Variants in GPM6A observed in about 807,000 individuals in gnomAD.
The protein encoded by GPM6A is glycoprotein M6A, also known as neuronal membrane glycoprotein M6-a.
A neutral mutation model predicts 32.1 loss-of-function variants in GPM6A; 7 were observed. The ratio of observed to expected loss-of-function variants is 0.22; its 90% CI spans 0.12 to 0.41. The LOEUF is 0.41. Among genes scored for constraint, GPM6A ranks in the 10% least tolerant of loss-of-function variants. GPM6A has a pLI of 1.00. For missense variants in GPM6A, 235 were observed against 347.2 expected (o/e 0.68, Z 2.57); for synonymous variants, 130 against 123.4 (o/e 1.05, Z -0.35).
intron 1 of GPM6A, among the ~76,000 whole-genome samples, chr4:175,795,536 G>T (rs1210154527): frequency 6.6e-6 from 1 of 151,974 alleles, no homozygotes; most frequent in Non-Finnish European, 1.5e-5. Flanking sequence ...GATTGCTTGA[G>T]ACCAGGAGTT....
chr4:175,698,452 T>G (rs1270353366), intron 2 of GPM6A, among the ~76,000 whole-genome samples: 3 of 152,186 alleles, frequency 2.0e-5, no homozygotes, highest in Non-Finnish European at 2.9e-5. Flanking sequence ...GCCTTCTGTT[T>G]GCTTATTTTA....
At chr4:175,908,055 G>A (rs982947831) in intron 1 of GPM6A, among the ~76,000 whole-genome samples, 1 of 152,080 alleles carries the variant, frequency 6.6e-6, no homozygotes, top group African/African-American at 2.4e-5. Context: ...AATGTGAGCA[G>A]AGAAAAACAG....
intron 1 of GPM6A, among the ~76,000 whole-genome samples, chr4:175,791,944 C>T (rs867715848): frequency 3.3e-5 from 5 of 152,018 alleles, no homozygotes; most frequent in African/African-American, 1.2e-4. Flanking sequence ...TGCTTTGATA[C>T]CACAACCTGT....
chr4:175,774,500 C>T (rs1474378833), intron 1 of GPM6A, among the ~76,000 whole-genome samples: 1 of 151,970 alleles, frequency 6.6e-6, no homozygotes, highest in African/African-American at 2.4e-5. Flanking sequence ...AACAATCAAA[C>T]TCACCTCTGT....
Position 175,756,991 on chromosome 4 carries a change from G to A in GPM6A, c.37+55200C>T, listed in dbSNP as rs148253198. ...GTGGGTTTAAGAAGGCGAACTGGAG[G>A]CTACCTCTGGGAATGTGTAGCAGCT... On this transcript the variant is annotated intron_variant, in intron 1 of 6. Coordinates refer to ENST00000393658, the MANE Select transcript of GPM6A (RefSeq NM_201591.3). 4.3e-3 allele frequency among the ~76,000 whole-genome samples: 652 copies of A among 152,166 alleles called. 3 individuals carry two copies. The highest frequency in any genetic ancestry group is 6.9e-3 in the Non-Finnish European group (468 of 67,972).
At chr4:175,770,724 C>T (rs552884052) in intron 1 of GPM6A, among the ~76,000 whole-genome samples, 4 of 152,252 alleles carry the variant, frequency 2.6e-5, no homozygotes, top group Admixed American at 6.5e-5. Context: ...CATGGATGAC[C>T]TCACTGTGCA....
At chr4:175,818,911 T>C (rs892849167) in intron 1 of GPM6A, among the ~76,000 whole-genome samples, 2 of 152,214 alleles carry the variant, frequency 1.3e-5, no homozygotes, top group African/African-American at 2.4e-5. Context: ...TCATAAATGC[T>C]GATTACAGTA....
At chr4:175,780,583 T>C (rs867595955) in intron 1 of GPM6A, among the ~76,000 whole-genome samples, 2 of 152,202 alleles carry the variant, frequency 1.3e-5, no homozygotes, top group Non-Finnish European at 1.5e-5. Flanking sequence ...TATTCAAACC[T>C]ATATTTACCT....
chr4:175,866,829 A>G (rs1219255355), intron 1 of GPM6A, among the ~76,000 whole-genome samples: 3 of 152,210 alleles, frequency 2.0e-5, no homozygotes, highest in African/African-American at 7.2e-5. Flanking sequence ...TACTTTTGTA[A>G]GAAACCACCA....
At chr4:175,863,943 G>A (rs1233366990) in intron 1 of GPM6A, among the ~76,000 whole-genome samples, 1 of 152,068 alleles carries the variant, frequency 6.6e-6, no homozygotes, top group East Asian at 1.9e-4. Flanking sequence ...CTAGGCTGCA[G>A]TGAGCTGTGG....
In GPM6A at chr4:175,995,331, A is replaced by G. The variant is rs376821422; in HGVS notation, c.-23+6978T>C. ...GCCTTGTGAGATATAGTTCTTAAATAATAAGACTTGGAAGTGGAAATTGCT... is the reference window on the plus strand; with the variant it reads ...GCCTTGTGAGATATAGTTCTTAAATGATAAGACTTGGAAGTGGAAATTGCT... On this transcript the variant is annotated intron_variant, in intron 1 of 7. Coordinates refer to the GPM6A transcript ENST00000280187. Among the ~76,000 whole-genome samples the G allele has an allele frequency of 1.1e-3, 166 of 151,794 alleles. 5 individuals are homozygous for G. In the South Asian group the frequency reaches 0.034, roughly 31 times the overall value.
intron 1 of GPM6A, among the ~76,000 whole-genome samples, chr4:175,746,114 C>T (rs12639637): frequency 0.22 from 32,915 of 151,926 alleles, 3,837 homozygotes; most frequent in East Asian, 0.26. Flanking sequence ...CACTTCCAGA[C>T]AAAAAGGCTA....
intron 1 of GPM6A, chr4:175,970,989 G>A: frequency 2.4e-6 from 1 of 422,910 alleles, no homozygotes; most frequent in Non-Finnish European, 4.6e-6. Context: ...AGCGCTCCTG[G>A]GGAATTCAGT....
chr4:175,975,846 T>C (rs1221850749), intron 1 of GPM6A, among the ~76,000 whole-genome samples: 1 of 152,124 alleles, frequency 6.6e-6, no homozygotes, highest in African/African-American at 2.4e-5. Context: ...CACCCAAAAA[T>C]AACACTAAAT....
At chr4:175,701,189 C>T (rs1196776665) in intron 2 of GPM6A, among the ~76,000 whole-genome samples, 1 of 151,980 alleles carries the variant, frequency 6.6e-6, no homozygotes, top group Admixed American at 6.6e-5. Flanking sequence ...GTGGGAGCAC[C>T]CATGGAGCTT....
chr4:175,791,294 T>C (rs904465640), intron 1 of GPM6A, among the ~76,000 whole-genome samples: 26 of 152,196 alleles, frequency 1.7e-4, no homozygotes, highest in African/African-American at 6.0e-4. Context: ...TGTTTTTACA[T>C]TACTCTTGAA....
chr4:175,751,372 A>G (rs1439776744), intron 1 of GPM6A, among the ~76,000 whole-genome samples: 1 of 152,206 alleles, frequency 6.6e-6, no homozygotes, highest in Non-Finnish European at 1.5e-5. Flanking sequence ...CTTAATACCT[A>G]GAATGGCAAC....
chr4:175,806,223 T>C (rs915941780), intron 1 of GPM6A: 2 of 152,240 alleles, frequency 1.3e-5, no homozygotes, highest in African/African-American at 4.8e-5. Flanking sequence ...GAATCTCTCA[T>C]GAGCCATTGT....
chr4:175,984,824 T>C (rs1425869687), intron 1 of GPM6A, among the ~76,000 whole-genome samples: 1 of 152,178 alleles, frequency 6.6e-6, no homozygotes, highest in African/African-American at 2.4e-5. Context: ...AATAATTTAT[T>C]CATTGTCTGC....
Sources: allele counts gnomAD v4.1 joint callset (sites outside exome capture counted in the v4.1 genomes callset), GRCh38; gene constraint gnomAD v4.1.1; transcripts MANE v1.5; gene names NCBI Gene and HGNC (gene_info 2026-07-23, HGNC 2026-07-21).